ZNF469: variants seen among roughly 807,000 people sequenced by gnomAD.
The protein encoded by ZNF469 is zinc finger protein 469.
A neutral mutation model predicts 1.0 loss-of-function variants in ZNF469; 1 was observed. The ratio of observed to expected loss-of-function variants is 1.00; its 90% CI spans 0.35 to 4.73. ZNF469 has a LOEUF of 4.73. Among genes scored for constraint, ZNF469 ranks in the 30% most tolerant of loss-of-function variants. The pLI, the probability that ZNF469 is intolerant of heterozygous loss-of-function variation, is 0.16. For missense variants in ZNF469, 6,100 were observed against 5,356.3 expected, an observed-to-expected ratio of 1.14 and a Z score of -4.33; for synonymous variants, 2,703 against 2,363.4, an observed-to-expected ratio of 1.14 and a Z score of -4.17.
the ZNF469 span, among the ~76,000 whole-genome samples, chr16:88,316,543 G>GTTTTTT: frequency 1.6e-5 from 1 of 63,060 alleles, no homozygotes; most frequent in Non-Finnish European, 2.8e-5. Context: ...TATAGGTGCT[G>GTTTTTT]TCTTTTTTTT....
chr16:88,256,923 TTTC>T, the ZNF469 span, among the ~76,000 whole-genome samples: 25 of 3,380 alleles, frequency 7.4e-3, no homozygotes, highest in African/African-American at 0.011. Context: ...TCTTTCTTTC[TTTC>T]TTTCTTTCTT....
At chr16:88,349,146 C>A in the ZNF469 span, among the ~76,000 whole-genome samples, 6 of 144,350 alleles carry the variant, frequency 4.2e-5, no homozygotes, top group South Asian at 1.2e-3. Flanking sequence ...AGCCACTCGT[C>A]CCCCCTCACC....
At chr16:88,273,342 A>G in the ZNF469 span, among the ~76,000 whole-genome samples, 1 of 151,838 alleles carries the variant, frequency 6.6e-6, no homozygotes. Flanking sequence ...TATCCATCCA[A>G]CAAAGGATTT....
the ZNF469 span, among the ~76,000 whole-genome samples, chr16:88,270,245 C>T: frequency 7.2e-5 from 11 of 152,334 alleles, no homozygotes; most frequent in Admixed American, 2.0e-4. Context: ...GGGACTCCAG[C>T]TCCTTGACCT....
At chr16:88,406,269 C>T (rs559503545) in intron 1 of ZNF469, among the ~76,000 whole-genome samples, 1 of 152,306 alleles carries the variant, frequency 6.6e-6, no homozygotes, top group African/African-American at 2.4e-5. Context: ...TATGTGTGCA[C>T]GTGTGTGTTC....
In ZNF469 at chr16:88,437,831, G is replaced by A. The variant is rs75288466; in HGVS notation, c.10361G>A (p.Arg3454Gln). The change falls in exon 3 of 3, where the codon CGG (arginine) becomes CAG (glutamine). Residue 3454 changes from arginine (R) to glutamine (Q), a missense_variant. Transcript: ENST00000565624. ...GRQPFAFRGVRRPGAPGQKAR... is the reference protein window; with the variant it reads ...GRQPFAFRGVQRPGAPGQKAR... The stretch of plus-strand genomic sequence containing the variant: ...CAGCCCTTCGCGTTCCGCGGCGTGC[G>A]GAGGCCGGGAGCGCCGGGACAGAAG... The A allele has an allele frequency of 9.1e-3, 14,036 of 1,541,028 alleles. 67 individuals are homozygous for A. Among genetic ancestry groups the A allele is most frequent in the Admixed American group, 0.014 (715 of 50,700 alleles).
the ZNF469 span, among the ~76,000 whole-genome samples, chr16:88,293,812 G>A: frequency 6.6e-6 from 1 of 152,210 alleles, no homozygotes; most frequent in Admixed American, 6.5e-5. Context: ...GACTGGGACT[G>A]TGGGTGGGAA....
the ZNF469 span, among the ~76,000 whole-genome samples, chr16:88,110,566 T>G: frequency 6.6e-6 from 1 of 152,224 alleles, no homozygotes; most frequent in African/African-American, 2.4e-5. Flanking sequence ...TGGTGCAGCC[T>G]CCTGACTTCA....
chr16:88,156,641 C>T, the ZNF469 span, among the ~76,000 whole-genome samples: 2 of 152,196 alleles, frequency 1.3e-5, no homozygotes, highest in South Asian at 2.1e-4. Flanking sequence ...AAATAATTCA[C>T]AGGAGGGATG....
At chr16:88,198,090 C>T in the ZNF469 span, among the ~76,000 whole-genome samples, 15 of 152,252 alleles carry the variant, frequency 9.9e-5, no homozygotes, top group Admixed American at 2.0e-4. Context: ...CTCATTTGCT[C>T]ATTCAAAAAC....
At chr16:88,297,691 C>T in the ZNF469 span, among the ~76,000 whole-genome samples, 1 of 152,150 alleles carries the variant, frequency 6.6e-6, no homozygotes, top group Admixed American at 6.5e-5. Context: ...CTCTGTGGGC[C>T]GGAGCCCCCT....
At chr16:88,365,397 T>A in the ZNF469 span, among the ~76,000 whole-genome samples, 1 of 152,202 alleles carries the variant, frequency 6.6e-6, no homozygotes, top group Admixed American at 6.5e-5. Flanking sequence ...GGGATGGACA[T>A]GGGACCCACT....
chr16:88,386,827 C>T (rs1430539664), intron 1 of ZNF469, among the ~76,000 whole-genome samples: 3 of 152,238 alleles, frequency 2.0e-5, no homozygotes, highest in South Asian at 2.1e-4. Context: ...TGGGTGGTTC[C>T]GTGAGGATGG....
chr16:88,281,669 G>A, the ZNF469 span, among the ~76,000 whole-genome samples: 1 of 150,972 alleles, frequency 6.6e-6, no homozygotes, highest in Admixed American at 6.6e-5. Context: ...ACAGGTTAGT[G>A]CTGTGCCACA....
the ZNF469 span, among the ~76,000 whole-genome samples, chr16:88,105,400 G>T: frequency 6.7e-6 from 1 of 150,352 alleles, no homozygotes; most frequent in African/African-American, 2.5e-5. Flanking sequence ...TGCCTCCCAG[G>T]TTCAAGGGAT....
chr16:88,314,649 G>A, the ZNF469 span, among the ~76,000 whole-genome samples: 1 of 150,626 alleles, frequency 6.6e-6, no homozygotes, highest in Non-Finnish European at 1.5e-5. Flanking sequence ...TGTAATTCAG[G>A]CAGTGCTGGT....
At chr16:88,375,531 A>C in the ZNF469 span, among the ~76,000 whole-genome samples, 1 of 152,224 alleles carries the variant, frequency 6.6e-6, no homozygotes, top group Non-Finnish European at 1.5e-5. Flanking sequence ...CATTGCCATG[A>C]ATGGTTCCAC....
the ZNF469 span, among the ~76,000 whole-genome samples, chr16:88,192,504 C>G: frequency 6.6e-6 from 1 of 152,252 alleles, no homozygotes; most frequent in South Asian, 2.1e-4. Flanking sequence ...TCACAAGTGT[C>G]TCTACAACAC....
At chr16:88,260,450 T>G in the ZNF469 span, among the ~76,000 whole-genome samples, 1 of 152,178 alleles carries the variant, frequency 6.6e-6, no homozygotes, top group Non-Finnish European at 1.5e-5. The surrounding 1 kb of genome is among the most constrained non-coding windows in gnomAD (Gnocchi z 4.1). Context: ...TAAGCCTCGC[T>G]CTGGGGACTG....
Sources: gnomAD v4.1 joint callset for allele counts (sites outside exome capture counted in the v4.1 genomes callset) on GRCh38, gnomAD v4.1.1 for gene constraint, Gnocchi (gnomAD v3.1) non-coding constraint, MANE v1.5 for transcripts, NCBI Gene and HGNC (gene_info 2026-07-23, HGNC 2026-07-21) for gene names.